The following AGAP1 variants were observed in gnomAD, a reference collection of about 807,000 sequenced individuals.
AGAP1 encodes arf-GAP with GTPase, ANK repeat and PH domain-containing protein 1.
Under a neutral mutation model 105.3 loss-of-function variants are expected in AGAP1, and 29 were observed. The ratio of observed to expected loss-of-function variants is 0.28; its 90% confidence interval spans 0.21 to 0.38. The LOEUF is 0.38. Among genes scored for constraint, AGAP1 ranks in the 10% least tolerant of loss-of-function variants. The pLI is 1.00. For missense variants in AGAP1, 998 were observed against 1,165.1 expected (o/e 0.86, Z 2.09); for synonymous variants, 509 against 485.9 (o/e 1.05, Z -0.63).
intron 11 of AGAP1, among the ~76,000 whole-genome samples, chr2:235,926,186 C>G (rs1416396779): frequency 2.0e-5 from 3 of 152,168 alleles, no homozygotes; most frequent in Non-Finnish European, 4.4e-5. Flanking sequence ...ATATTAGACT[C>G]TGTATGCATA....
intron 12 of AGAP1, among the ~76,000 whole-genome samples, chr2:235,947,480 T>C (rs1336161844): frequency 6.6e-6 from 1 of 152,244 alleles, no homozygotes; most frequent in Non-Finnish European, 1.5e-5. Context: ...ACTCGTTGAT[T>C]GATGGGCATT....
rs930194615 is a variant in AGAP1 at position 235,887,893 on chromosome 2, G to T, written c.1155+4444G>T. Among the ~76,000 whole-genome samples the T allele has an allele frequency of 3.9e-5, 6 of 152,302 alleles. No homozygotes were observed. Among genetic ancestry groups the T allele is most frequent in the African/African-American group, 1.4e-4 (6 of 41,578 alleles). On this transcript the variant is annotated intron_variant, in intron 10 of 17. Transcript: ENST00000304032. This position sits in a 1 kb window ranked among gnomAD's most constrained non-coding sequence, Gnocchi z 4.1. ...CTGACTTGAGAGCGCCAGGCTTGCA[G>T]TTGTATTAAACGTGGAAGATTCAGA...
rs2057850833 is a variant in AGAP1 at position 236,050,031 on chromosome 2, C to G, written c.2114+750C>G. Reference sequence around the variant, plus strand: ...GCTTCCAGGGTTGCTCATTTTCACCCACAATAGGAAGTGGGAGGTTGAGGT... The same window carrying G: ...GCTTCCAGGGTTGCTCATTTTCACCGACAATAGGAAGTGGGAGGTTGAGGT... On this transcript the variant is annotated intron_variant, in intron 16 of 17. Transcript: ENST00000304032. The surrounding 1 kb of genome is among the most constrained non-coding windows in gnomAD (Gnocchi z 4.0). Among the ~76,000 whole-genome samples, 1 of 152,156 alleles carries G rather than the reference C, an allele frequency of 6.6e-6. No homozygotes were observed. The highest frequency in any genetic ancestry group is 6.5e-5 in the Admixed American group (1 of 15,278).
At chr2:235,571,958 G>GTGTGTGTGTGTGTA (rs1553568293) in intron 1 of AGAP1, among the ~76,000 whole-genome samples, 11 of 107,352 alleles carry the variant, frequency 1.0e-4, no homozygotes, top group South Asian at 8.2e-4. Context: ...GTGTGTGTGT[G>GTGTGTGTGTGTGTA]TATACATATA....
chr2:235,504,659 G>A (rs1316079745), intron 1 of AGAP1, among the ~76,000 whole-genome samples: 2 of 152,170 alleles, frequency 1.3e-5, no homozygotes, highest in Non-Finnish European at 2.9e-5. Flanking sequence ...CTCTCTGTGG[G>A]TTGGACGTAG....
rs942429546 is a variant in AGAP1, at chr2:235,663,823, A to G, written c.164-45356A>G. On this transcript the variant is annotated intron_variant, in intron 1 of 17. Transcript: ENST00000304032. The surrounding 1 kb of genome is among the most constrained non-coding windows in gnomAD (Gnocchi z 5.4). The stretch of plus-strand genomic sequence containing the variant: ...CATGAAGACCATCGTACAGATGGCG[A>G]TATTAGAAGAGTTCCCTCCCGTGAA... Among the ~76,000 whole-genome samples the G allele has an allele frequency of 6.6e-6, 1 of 152,278 alleles. No individual in the cohort carries two copies. Among genetic ancestry groups the G allele is most frequent in the South Asian group, 2.1e-4 (1 of 4,820 alleles).
chr2:235,534,760 G>A (rs576401369), intron 1 of AGAP1, among the ~76,000 whole-genome samples: 114 of 152,286 alleles, frequency 7.5e-4, no homozygotes, highest in African/African-American at 2.6e-3. Flanking sequence ...CACGACATGG[G>A]GAAATTCAAA....
At chr2:235,932,462 C>A (rs2125161820) in intron 12 of AGAP1, among the ~76,000 whole-genome samples, 1 of 152,308 alleles carries the variant, frequency 6.6e-6, no homozygotes, top group Admixed American at 6.5e-5. Context: ...ATTAGTATTA[C>A]TATTTGATAA....
In AGAP1 at chr2:236,040,497, G is replaced by A; in HGVS notation, c.1801-254G>A. ...CAGATGATCCAGAACTCTCCTCTTT[G>A]CTCATTTCTGGCAGAGTCCGTCTCA... On this transcript the variant is annotated intron_variant, in intron 14 of 17. Transcript: ENST00000304032. This position sits in a 1 kb window ranked among gnomAD's most constrained non-coding sequence, Gnocchi z 5.6. 1.9e-6 allele frequency: 1 copy of A among 525,546 alleles called. No individual in the cohort carries two copies. Among genetic ancestry groups the A allele is most frequent in the Non-Finnish European group, 3.4e-6 (1 of 292,316 alleles). The allele number at this position is 525,546 out of a possible 1,614,324, so 32.6% of individuals were successfully genotyped here.
rs146949339 is a variant in AGAP1 at position 235,556,065 on chromosome 2, A to G, written c.163+61216A>G. 2.2e-4 allele frequency among the ~76,000 whole-genome samples: 34 copies of G among 152,332 alleles called. No individual in the cohort carries two copies. Among genetic ancestry groups the G allele is most frequent in the East Asian group, 1.4e-3 (7 of 5,178 alleles). On this transcript the variant is annotated intron_variant, in intron 1 of 17. Coordinates refer to ENST00000304032, the MANE Select transcript of AGAP1 (RefSeq NM_001037131.3). The surrounding 1 kb of genome is among the most constrained non-coding windows in gnomAD (Gnocchi z 5.3). ...AGAAACAGCATCCTGCAGGAGAGCA[A>G]TGCCTCCAGCTTGGCTTCTGGAAGC...
chr2:236,052,530 C>T (rs973313811), intron 16 of AGAP1, among the ~76,000 whole-genome samples: 9 of 152,264 alleles, frequency 5.9e-5, no homozygotes, highest in South Asian at 4.2e-4. Context: ...TAATCTCTGC[C>T]GCCCTGAGAA....
intron 9 of AGAP1, among the ~76,000 whole-genome samples, chr2:235,819,178 A>G (rs188875082): frequency 2.0e-5 from 3 of 151,046 alleles, no homozygotes; most frequent in African/African-American, 7.3e-5. Flanking sequence ...AAATGGTGCA[A>G]TATCTTGGCT....
chr2:236,026,837 AG>A (rs2057071600), intron 13 of AGAP1, among the ~76,000 whole-genome samples: 1 of 152,264 alleles, frequency 6.6e-6, no homozygotes, highest in South Asian at 2.1e-4. Context: ...CATGAGGAAT[AG>A]GAGAAGATAA....
intron 13 of AGAP1, among the ~76,000 whole-genome samples, chr2:236,013,889 G>A (rs1026582513): frequency 6.6e-6 from 1 of 152,220 alleles, no homozygotes; most frequent in Admixed American, 6.5e-5. Context: ...CCTGAAGGGC[G>A]GAGAGAATGC....
chr2:235,616,967 T>A lies in AGAP1; in HGVS notation c.164-92212T>A, dbSNP rs529178592. On this transcript the variant is annotated intron_variant, in intron 1 of 17. Transcript: ENST00000304032. ...TGCATCTTTAAATTTTTTTTATTTT[T>A]TTTTTTTAAGCTTGGAAAGAGTTGA... Among the ~76,000 whole-genome samples, 73 of 152,266 alleles carry A rather than the reference T, an allele frequency of 4.8e-4. 1 individual carries two copies. Among genetic ancestry groups the A allele is most frequent in the Admixed American group, 2.4e-3 (37 of 15,304 alleles).
chr2:236,022,167 T>TTA (rs1156516475), intron 13 of AGAP1, among the ~76,000 whole-genome samples: 1 of 152,082 alleles, frequency 6.6e-6, no homozygotes, highest in Non-Finnish European at 1.5e-5. Context: ...TCCCAGCTCT[T>TTA]TATAATGTGT....
Position 235,927,674 on chromosome 2 carries a change from C to G in AGAP1, c.1325-3091C>G, listed in dbSNP as rs553909608. Among the ~76,000 whole-genome samples, 1 of 152,138 alleles carries G rather than the reference C, an allele frequency of 6.6e-6. No homozygotes were observed. The highest frequency in any genetic ancestry group is 1.5e-5 in the Non-Finnish European group (1 of 68,026). ...GATACTTACTTCTGGAGCTTTATTGCAAGTAGTCAGTGATGGATGCACTGA... is the reference window on the plus strand; with the variant it reads ...GATACTTACTTCTGGAGCTTTATTGGAAGTAGTCAGTGATGGATGCACTGA... On this transcript the variant is annotated intron_variant, in intron 11 of 17. Coordinates refer to ENST00000304032, the MANE Select transcript of AGAP1 (RefSeq NM_001037131.3). The surrounding 1 kb of genome is among the most constrained non-coding windows in gnomAD (Gnocchi z 4.4).
chr2:235,815,158 G>A (rs1958379207), intron 9 of AGAP1, among the ~76,000 whole-genome samples: 1 of 152,126 alleles, frequency 6.6e-6, no homozygotes, highest in Middle Eastern at 3.2e-3. Flanking sequence ...AGTGGGGCGT[G>A]CCCAGCAGCC....
At chr2:235,794,396 A>T (rs1423753618) in intron 6 of AGAP1, among the ~76,000 whole-genome samples, 1 of 152,316 alleles carries the variant, frequency 6.6e-6, no homozygotes, top group East Asian at 1.9e-4. Context: ...AGCTCATGTG[A>T]CAGAGTCATA....
Sources: gnomAD v4.1 joint callset for allele counts (sites outside exome capture counted in the v4.1 genomes callset) on GRCh38, gnomAD v4.1.1 for gene constraint, Gnocchi (gnomAD v3.1) non-coding constraint, MANE v1.5 for transcripts, NCBI Gene and HGNC (gene_info 2026-07-23, HGNC 2026-07-21) for gene names.